SEC22C: variants seen among roughly 807,000 people sequenced by gnomAD.
SEC22C encodes vesicle-trafficking protein SEC22c.
Under a neutral mutation model 34.7 loss-of-function variants are expected in SEC22C, and 29 were observed. The observed-to-expected ratio is 0.84, with a 90% confidence interval of 0.62 to 1.14. SEC22C has a LOEUF of 1.14. Ranked by LOEUF, SEC22C falls within the 50% of genes most tolerant of loss-of-function variation. The pLI, the probability that SEC22C is intolerant of heterozygous loss-of-function variation, is 0.00. For synonymous variants in SEC22C, 117 were observed against 132.8 expected (o/e 0.88, Z 0.82); for missense variants, 337 against 369.0 (o/e 0.91, Z 0.71).
At position 42,548,717 on chromosome 3, in the gene SEC22C, G is replaced by C. The variant is rs1559505396; in HGVS notation, c.*4531C>G. 1 of 1,611,380 alleles carries C rather than the reference G, an allele frequency of 6.2e-7. No individual in the cohort carries two copies. The highest frequency in any genetic ancestry group is 2.2e-5 in the East Asian group (1 of 44,828). On this transcript the variant is annotated 3_prime_UTR_variant, in exon 7 of 7. Coordinates refer to ENST00000264454, the MANE Select transcript of SEC22C (RefSeq NM_032970.4). ...TCTGTGCCCAGGGAGTGAAAGGCAGGTCCAGGGTGGGAAGAAGAGGGGCTG... is the reference window on the plus strand; with the variant it reads ...TCTGTGCCCAGGGAGTGAAAGGCAGCTCCAGGGTGGGAAGAAGAGGGGCTG...
chr3:42,586,493 C>T (rs1297557009), upstream of SEC22C, among the ~76,000 whole-genome samples: 2 of 151,718 alleles, frequency 1.3e-5, no homozygotes, highest in East Asian at 3.9e-4. Context: ...AAAGTGCTGG[C>T]ATTACAGGTG....
At chr3:42,570,801 A>AT (rs760772976) in intron 1 of SEC22C, among the ~76,000 whole-genome samples, 1 of 152,134 alleles carries the variant, frequency 6.6e-6, no homozygotes, top group Non-Finnish European at 1.5e-5. Context: ...ATTTTAAAAC[A>AT]TTTTTTAAAA....
intron 1 of SEC22C, among the ~76,000 whole-genome samples, chr3:42,577,548 C>T (rs1406589431): frequency 2.6e-5 from 4 of 152,094 alleles, no homozygotes; most frequent in Non-Finnish European, 4.4e-5. Flanking sequence ...AACTTGAGAC[C>T]CCAATGAGAT....
intron 1 of SEC22C, among the ~76,000 whole-genome samples, chr3:42,590,585 C>CAAAAAAAAAAAAAAA (rs1211821938): frequency 7.4e-6 from 1 of 134,856 alleles, no homozygotes; most frequent in Non-Finnish European, 1.6e-5. Context: ...GACTCCATCT[C>CAAAAAAAAAAAAAAA]AAAAAAAAAA....
At chr3:42,561,043 GA>G (rs537051176) in intron 4 of SEC22C, 73 bp downstream of exon 4, 762 of 1,380,752 alleles carry the variant, frequency 5.5e-4, no homozygotes, top group South Asian at 9.5e-4. Flanking sequence ...GCTTTCTAGT[GA>G]AAAAAAAAAT....
At position 42,601,006 on chromosome 3, in the gene SEC22C, G is replaced by C. The variant is rs773657695; in HGVS notation, c.-74C>G. On this transcript the variant is annotated 5_prime_UTR_variant, in exon 1 of 7. Transcript: ENST00000417572. ...CAGCTCTTGCCGCCACCTCGGTCGC[G>C]ATGGGGGCGCAGGACCGGCCGCAGT... 1.3e-5 allele frequency: 21 copies of C among 1,566,934 alleles called. No homozygotes were observed. In the African/African-American group the frequency reaches 2.6e-4, roughly 20 times the overall value.
At chr3:42,591,146 C>T in intron 1 of SEC22C, 1 of 671,534 alleles carries the variant, frequency 1.5e-6, no homozygotes, top group East Asian at 2.7e-5. Flanking sequence ...AGGACCCCGG[C>T]ATGGGGTTCG....
intron 2 of SEC22C, chr3:42,564,520 C>T (rs77410859): frequency 3.3e-5 from 5 of 152,318 alleles, no homozygotes; most frequent in African/African-American, 1.2e-4. Flanking sequence ...GGGACCAATA[C>T]TGATGTTTCA....
chr3:42,594,542 G>A, intron 1 of SEC22C: 3 of 1,582,564 alleles, frequency 1.9e-6, no homozygotes, highest in Non-Finnish European at 1.7e-6. Flanking sequence ...TCTTCCATTT[G>A]GCTGTCGTGA....
At chr3:42,588,709 T>C (rs1271451739) in intron 1 of SEC22C, among the ~76,000 whole-genome samples, 3 of 152,180 alleles carry the variant, frequency 2.0e-5, no homozygotes, top group Non-Finnish European at 4.4e-5. Context: ...GGGAGGATTG[T>C]TGTCTGGACC....
chr3:42,594,748 GTCCTC>G (rs1182456068), intron 1 of SEC22C: 1 of 346,214 alleles, frequency 2.9e-6, no homozygotes, highest in African/African-American at 2.1e-5. Flanking sequence ...GAGCCCAGGT[GTCCTC>G]TTTCCTGAAC....
chr3:42,581,022 A>G (rs933888963), intron 1 of SEC22C, among the ~76,000 whole-genome samples: 1 of 152,256 alleles, frequency 6.6e-6, no homozygotes, highest in Non-Finnish European at 1.5e-5. Flanking sequence ...CTTCTGTTGC[A>G]AATGCAAACA....
chr3:42,595,262 A>G (rs1389157208), intron 1 of SEC22C: 2 of 152,194 alleles, frequency 1.3e-5, no homozygotes, highest in Admixed American at 1.3e-4. Flanking sequence ...TGTTCCTTTA[A>G]GTCACTTAAA....
intron 3 of SEC22C, among the ~76,000 whole-genome samples, chr3:42,561,869 T>C (rs1702935981): frequency 6.6e-6 from 1 of 151,776 alleles, no homozygotes; most frequent in African/African-American, 2.4e-5. Context: ...GATGAGAGAG[T>C]CGGGGGAAAG....
At chr3:42,558,421 G>A (rs1348980804) in intron 4 of SEC22C, among the ~76,000 whole-genome samples, 1 of 150,438 alleles carries the variant, frequency 6.6e-6, no homozygotes, top group African/African-American at 2.5e-5. Context: ...CTGGGAGGTT[G>A]AGGCTGCAGT....
chr3:42,600,809 G>A, intron 1 of SEC22C: 2 of 402,202 alleles, frequency 5.0e-6, no homozygotes, highest in Non-Finnish European at 8.9e-6. Flanking sequence ...CGTGCGCGCT[G>A]CGTGGGAGCC....
At chr3:42,574,261 T>C (rs1277412035) in intron 1 of SEC22C, among the ~76,000 whole-genome samples, 1 of 151,166 alleles carries the variant, frequency 6.6e-6, no homozygotes, top group Non-Finnish European at 1.5e-5. Context: ...AAAAATATCC[T>C]TCAAGCAGCC....
upstream of SEC22C, among the ~76,000 whole-genome samples, chr3:42,584,075 T>G (rs1704528420): frequency 6.6e-6 from 1 of 152,188 alleles, no homozygotes; most frequent in South Asian, 2.1e-4. Flanking sequence ...CTTCTCAGCC[T>G]CCATAACTAT....
intron 1 of SEC22C, chr3:42,600,947 C>CCCCCG: frequency 1.4e-6 from 2 of 1,411,992 alleles, no homozygotes; most frequent in Non-Finnish European, 9.5e-7. Context: ...CCCGCCCTCG[C>CCCCCG]CCCTGCCCTG....
Sources: gnomAD v4.1 joint callset for allele counts (sites outside exome capture counted in the v4.1 genomes callset) on GRCh38, gnomAD v4.1.1 for gene constraint, MANE v1.5 for transcripts, NCBI Gene and HGNC (gene_info 2026-07-23, HGNC 2026-07-21) for gene names.